The following ABCA12 variants were observed in gnomAD, a reference collection of about 807,000 sequenced individuals.
ABCA12 encodes the protein ATP binding cassette subfamily A member 12.
A neutral mutation model predicts 293.5 loss-of-function variants in ABCA12; 156 were observed. That is an observed-to-expected ratio of 0.53 (90% CI 0.47 to 0.61). The LOEUF is 0.61. Ranked by LOEUF, ABCA12 falls within the 20% of genes least tolerant of loss-of-function variation. The pLI is 0.00. For synonymous variants in ABCA12, 1,063 were observed against 1,108.0 expected (o/e 0.96, Z 0.81); for missense variants, 2,797 against 3,090.2 (o/e 0.91, Z 2.25).
intron 8 of ABCA12, chr2:215,035,858 A>T (rs993405569): frequency 6.6e-6 from 1 of 152,096 alleles, no homozygotes; most frequent in African/African-American, 2.4e-5. Context: ...TAAAATTTTT[A>T]AAAATGTAAC....
intron 39 of ABCA12, among the ~76,000 whole-genome samples, chr2:214,966,643 G>T (rs535652666): frequency 6.6e-6 from 1 of 152,106 alleles, no homozygotes; most frequent in South Asian, 2.1e-4. Context: ...TGATAGATGA[G>T]AAAACTAAAT....
rs1701129489 is a variant in ABCA12 at position 215,042,948 on chromosome 2, C to T, written c.872+2889G>A. 2.6e-5 allele frequency among the ~76,000 whole-genome samples: 4 copies of T among 152,108 alleles called. No homozygotes were observed. The South Asian group carries it at 8.3e-4, about 32-fold the overall frequency. On this transcript the variant is annotated intron_variant, in intron 7 of 52. Transcript: ENST00000272895. ...AAAAATGAGATTATGTAGTATTTGT[C>T]TTTCTGTGCATGGCTGTTTTAATTT...
At position 215,064,715 on chromosome 2, in the gene ABCA12, A is replaced by G. The variant is rs927106774; in HGVS notation, c.164-496T>C. ...CACGCACACACACACACACACACAC[A>G]CACACACACACACACACAAACATGT... On this transcript the variant is annotated intron_variant, in intron 2 of 52. Transcript: ENST00000272895. 2.6e-4 allele frequency among the ~76,000 whole-genome samples: 40 copies of G among 151,700 alleles called. 1 individual carries two copies. The highest frequency in any genetic ancestry group is 9.4e-4 in the African/African-American group (39 of 41,430).
chr2:215,109,397 G>A (rs1329388313), intron 2 of ABCA12, among the ~76,000 whole-genome samples: 1 of 152,168 alleles, frequency 6.6e-6, no homozygotes, highest in Admixed American at 6.5e-5. Flanking sequence ...TGTAAAGTGA[G>A]AGGGTCACTT....
intron 5 of ABCA12, among the ~76,000 whole-genome samples, chr2:215,051,793 A>G (rs1701326424): frequency 6.6e-6 from 1 of 152,096 alleles, no homozygotes; most frequent in African/African-American, 2.4e-5. Context: ...GACCAGCCAA[A>G]TAACTTAAAT....
rs886055606 is a variant in ABCA12, at chr2:214,955,239, A to C, written c.6356T>G (p.Val2119Gly). 4.3e-6 allele frequency: 7 copies of C among 1,614,140 alleles called. No homozygotes were observed. The highest frequency in any genetic ancestry group is 5.9e-6 in the Non-Finnish European group (7 of 1,179,990). ...FGINSIVSLS[V>G]VYFLSKEKPN... ...CTTTTCCTTGGAAAGAAAGTATACC[A>C]CTGACAGGGAAACAATGGAATTAAT... is the stretch of plus-strand genomic sequence containing the variant. The change falls in exon 43 of 53, where the codon GTG becomes GGG. Residue 2119 changes from valine to glycine, a missense_variant. This residue lies in a region of ABCA12 where 2,130 missense variants were observed against 2,427.0 expected (regional missense o/e 0.88). Coordinates refer to ENST00000272895, the MANE Select transcript of ABCA12 (RefSeq NM_173076.3).
chr2:214,974,119 G>GT lies in ABCA12; in HGVS notation c.5469-78dup, dbSNP rs1699453721. 3.1e-6 allele frequency: 4 copies of GT among 1,287,214 alleles called. No individual in the cohort carries two copies. In the Admixed American group the frequency reaches 5.2e-5, roughly 17 times the overall value. The allele number at this position is 1,287,214 out of a possible 1,614,324, so 79.7% of individuals were successfully genotyped here. ...TGTTTACATATGAGCATGTAAACAA[G>GT]TATTTGGTATTAAGTTCATGTGTGT... On this transcript the variant is annotated intron_variant, in intron 35 of 52. Coordinates refer to ENST00000272895, the MANE Select transcript of ABCA12 (RefSeq NM_173076.3).
intron 2 of ABCA12, among the ~76,000 whole-genome samples, chr2:215,067,538 C>T (rs1272945545): frequency 2.6e-5 from 4 of 152,158 alleles, no homozygotes; most frequent in African/African-American, 9.6e-5. Context: ...CCCAGGATAA[C>T]ATTCATGCCC....
At chr2:214,943,084 A>G in intron 49 of ABCA12, 67 bp from the exon 50 acceptor site, 1 of 1,203,668 alleles carries the variant, frequency 8.3e-7, no homozygotes. Context: ...GTTCATGAGC[A>G]TAAGCATAAT....
At chr2:214,952,532 T>C (rs1698813080) in intron 44 of ABCA12, among the ~76,000 whole-genome samples, 2 of 152,114 alleles carry the variant, frequency 1.3e-5, no homozygotes, top group Non-Finnish European at 2.9e-5. Flanking sequence ...CACCCTATCG[T>C]GGATTATTTT....
At chr2:215,072,419 T>G (rs1559178164) in intron 2 of ABCA12, among the ~76,000 whole-genome samples, 1 of 152,162 alleles carries the variant, frequency 6.6e-6, no homozygotes, top group Non-Finnish European at 1.5e-5. Flanking sequence ...GCTATTATTA[T>G]TTTTTAAGGG....
chr2:215,027,277 C>T (rs1195551381), intron 9 of ABCA12, among the ~76,000 whole-genome samples: 3 of 151,794 alleles, frequency 2.0e-5, no homozygotes, highest in Admixed American at 2.0e-4. Flanking sequence ...ACCCGGGAGG[C>T]GGAGCTTGCA....
chr2:215,052,586 T>C lies in ABCA12; in HGVS notation c.410-2A>G. On this transcript the variant is annotated splice_acceptor_variant, in intron 4 of 52. Coordinates refer to ENST00000272895, the MANE Select transcript of ABCA12 (RefSeq NM_173076.3). LOFTEE classifies it high-confidence loss of function. ...AACTTGGACTGGGAAATACTGTGGC[T>C]GTAATCAAAGAAGGAACAGATTAGC... 6.2e-7 allele frequency: 1 copy of C among 1,610,900 alleles called. No individual in the cohort carries two copies. Among genetic ancestry groups the C allele is most frequent in the Non-Finnish European group, 8.5e-7 (1 of 1,177,544 alleles).
intron 2 of ABCA12, among the ~76,000 whole-genome samples, chr2:215,081,809 G>A (rs1035912929): frequency 2.6e-5 from 4 of 152,052 alleles, no homozygotes; most frequent in African/African-American, 9.7e-5. Context: ...AAGAGACCTG[G>A]AAGACAAGAT....
intron 36 of ABCA12, among the ~76,000 whole-genome samples, chr2:214,970,797 CTT>C (rs1397945470): frequency 1.3e-5 from 2 of 152,016 alleles, no homozygotes; most frequent in African/African-American, 4.8e-5. Context: ...AAATATAACA[CTT>C]TTCAAGGATT....
At chr2:214,938,194 G>T (rs1446363562) in intron 50 of ABCA12, among the ~76,000 whole-genome samples, 1 of 151,796 alleles carries the variant, frequency 6.6e-6, no homozygotes, top group African/African-American at 2.4e-5. Flanking sequence ...TTATGAGTGA[G>T]AACATGCAGT....
intron 44 of ABCA12, among the ~76,000 whole-genome samples, chr2:214,952,257 G>A: frequency 7.0e-6 from 1 of 142,366 alleles, no homozygotes; most frequent in Admixed American, 7.4e-5. Context: ...GTCTCGCTCT[G>A]TCACGCAGGC....
intron 6 of ABCA12, 96 bp downstream of exon 6, chr2:215,049,530 C>A (rs1701274579): frequency 4.0e-6 from 5 of 1,261,236 alleles, no homozygotes; most frequent in Non-Finnish European, 2.3e-6. Context: ...CTAAGGTAAA[C>A]AAATATCCCA....
chr2:214,942,788 C>T, intron 50 of ABCA12, 137 bp downstream of exon 50: 1 of 699,426 alleles, frequency 1.4e-6, no homozygotes. Flanking sequence ...TAAGGTGAGT[C>T]AGTGACTAGC....
Sources: gnomAD v4.1 joint callset for allele counts (sites outside exome capture counted in the v4.1 genomes callset) on GRCh38, gnomAD v4.1.1 for gene constraint, gnomAD v4.1.1 regional missense constraint, MANE v1.5 for transcripts, NCBI Gene and HGNC (gene_info 2026-07-23, HGNC 2026-07-21) for gene names.